XKR4: variants seen among roughly 807,000 people sequenced by gnomAD.
XKR4 encodes the protein XK-related protein 4.
Under a neutral mutation model 53.9 loss-of-function variants are expected in XKR4, and 12 were observed. The ratio of observed to expected loss-of-function variants is 0.22; its 90% CI spans 0.14 to 0.36. The LOEUF (loss-of-function observed/expected upper bound fraction) is 0.36. Among genes scored for constraint, XKR4 ranks in the 10% least tolerant of loss-of-function variants. XKR4 has a pLI of 1.00. For missense variants in XKR4, 799 were observed against 859.5 expected, an observed-to-expected ratio of 0.93 and a Z score of 0.88; for synonymous variants, 354 against 362.4, an observed-to-expected ratio of 0.98 and a Z score of 0.26.
intron 2 of XKR4, among the ~76,000 whole-genome samples, chr8:55,428,532 A>G (rs1805052597): frequency 6.6e-6 from 1 of 152,244 alleles, no homozygotes; most frequent in Non-Finnish European, 1.5e-5. Flanking sequence ...TGGTCAGGCT[A>G]TAACGAGTCA....
chr8:55,142,304 T>G (rs1816717182), intron 1 of XKR4: 1 of 409,076 alleles, frequency 2.4e-6, no homozygotes, highest in Middle Eastern at 3.6e-4. Flanking sequence ...TAGTACACAC[T>G]GGTCTCTTCA....
intron 2 of XKR4, among the ~76,000 whole-genome samples, chr8:55,479,502 G>C (rs942275419): frequency 6.6e-6 from 1 of 151,964 alleles, no homozygotes; most frequent in African/African-American, 2.4e-5. Context: ...AGAAAAGCAA[G>C]AGCAAACACA....
chr8:55,446,270 G>C (rs1186260999), intron 2 of XKR4, among the ~76,000 whole-genome samples: 1 of 152,154 alleles, frequency 6.6e-6, no homozygotes, highest in Non-Finnish European at 1.5e-5. Context: ...CATAACATGG[G>C]CTCAACCTCA....
chr8:55,427,332 C>T (rs1051449903), intron 2 of XKR4, among the ~76,000 whole-genome samples: 2 of 152,000 alleles, frequency 1.3e-5, no homozygotes, highest in Admixed American at 6.6e-5. Context: ...GTGAGTATGT[C>T]AAAGTTGATA....
chr8:55,391,007 A>G (rs1475824539), intron 2 of XKR4, among the ~76,000 whole-genome samples: 1 of 152,212 alleles, frequency 6.6e-6, no homozygotes, highest in Non-Finnish European at 1.5e-5. Flanking sequence ...CTTTTACAAC[A>G]TTCTCTGCTG....
rs149263316 is a variant in XKR4 at position 55,470,559 on chromosome 8, T to C, written c.1007-52722T>C. On this transcript the variant is annotated intron_variant, in intron 2 of 2. Transcript: ENST00000327381. ...GGGAGTCCATTAAACCTCTTTCTTC[T>C]TACGTTGCCAAGTCTCAGGTATGTC... 2.5e-3 allele frequency among the ~76,000 whole-genome samples: 383 copies of C among 152,250 alleles called. 2 individuals are homozygous for C. Among genetic ancestry groups the C allele is most frequent in the African/African-American group, 8.9e-3 (368 of 41,506 alleles).
chr8:55,151,697 A>G (rs1816842892), intron 1 of XKR4, among the ~76,000 whole-genome samples: 1 of 152,212 alleles, frequency 6.6e-6, no homozygotes, highest in African/African-American at 2.4e-5. Context: ...TCCCCTCACT[A>G]TCAATAATTT....
At chr8:55,521,403 CCT>C (rs1327527227) in intron 2 of XKR4, among the ~76,000 whole-genome samples, 1 of 152,122 alleles carries the variant, frequency 6.6e-6, no homozygotes, top group Non-Finnish European at 1.5e-5. Flanking sequence ...TCTCCTTCCC[CCT>C]CTTTCACTCC....
chr8:55,422,615 T>C (rs1016771062), intron 2 of XKR4, among the ~76,000 whole-genome samples: 4 of 152,176 alleles, frequency 2.6e-5, no homozygotes, highest in African/African-American at 9.7e-5. Context: ...CAAGAGCAGC[T>C]GAGAAAGGTA....
In XKR4 at chr8:55,161,972, G is replaced by T. The variant is rs903782667; in HGVS notation, c.806+58678G>T. Among the ~76,000 whole-genome samples, 3 of 152,246 alleles carry T rather than the reference G, an allele frequency of 2.0e-5. No individual in the cohort carries two copies. The East Asian group carries it at 5.8e-4, about 29-fold the overall frequency. On this transcript the variant is annotated intron_variant, in intron 1 of 2. Coordinates refer to ENST00000327381, the MANE Select transcript of XKR4 (RefSeq NM_052898.2). ...GCCTTTGATTTGCAGAAGAGCTGGT[G>T]GTGCCATATTATTTCAAGGCTTTAG... is the stretch of plus-strand genomic sequence containing the variant.
chr8:55,343,322 CT>C (rs1453130939), intron 1 of XKR4, among the ~76,000 whole-genome samples: 4 of 152,142 alleles, frequency 2.6e-5, no homozygotes, highest in African/African-American at 9.7e-5. Flanking sequence ...GCTTTTCGCC[CT>C]TTCCTGGACT....
At chr8:55,192,027 G>T (rs1294465896) in intron 1 of XKR4, among the ~76,000 whole-genome samples, 1 of 151,278 alleles carries the variant, frequency 6.6e-6, no homozygotes, top group Non-Finnish European at 1.5e-5. Flanking sequence ...TTACTTTTGT[G>T]GTTCTGCTGC....
At chr8:55,389,071 G>C (rs904337902) in intron 2 of XKR4, among the ~76,000 whole-genome samples, 1 of 152,164 alleles carries the variant, frequency 6.6e-6, no homozygotes, top group African/African-American at 2.4e-5. Context: ...ACATGAACAC[G>C]AACATGCACA....
chr8:55,142,002 C>T (rs1816711538), intron 1 of XKR4: 1 of 444,488 alleles, frequency 2.2e-6, no homozygotes, highest in African/African-American at 2.0e-5. Context: ...ATAAAGCCAT[C>T]TCTGGGCTGG....
rs1173172009 is a variant in XKR4 at position 55,399,929 on chromosome 8, C to T, written c.1006+42052C>T. ...TCGCTCACACCTTGGAAGGGAGAAT[C>T]AGGGAGCTTCAGTATCTCCAGGTTC... On this transcript the variant is annotated intron_variant, in intron 2 of 2. Transcript: ENST00000327381. Among the ~76,000 whole-genome samples, 3 of 152,222 alleles carry T rather than the reference C, an allele frequency of 2.0e-5. No homozygotes were observed. In the East Asian group the frequency reaches 5.8e-4, roughly 29 times the overall value.
chr8:55,348,209 C>T (rs551006234), intron 1 of XKR4, among the ~76,000 whole-genome samples: 6 of 152,242 alleles, frequency 3.9e-5, no homozygotes, highest in East Asian at 1.9e-4. Context: ...GGACCGAAGA[C>T]GTTAAATCAC....
At chr8:55,295,637 G>T (rs1819090738) in intron 1 of XKR4, among the ~76,000 whole-genome samples, 1 of 152,204 alleles carries the variant, frequency 6.6e-6, no homozygotes, top group South Asian at 2.1e-4. Context: ...ATTGAGATAA[G>T]AATAAGGCAC....
chr8:55,454,487 A>C, intron 2 of XKR4: 1 of 1,220,016 alleles, frequency 8.2e-7, no homozygotes, highest in Non-Finnish European at 1.2e-6. Context: ...GGTGGCACAG[A>C]CCAAAGACAG....
chr8:55,494,760 G>A (rs1806317906), intron 2 of XKR4, among the ~76,000 whole-genome samples: 1 of 152,136 alleles, frequency 6.6e-6, no homozygotes, highest in Non-Finnish European at 1.5e-5. Flanking sequence ...CTGAGTCTGG[G>A]GTTTTTATGG....
Sources: gnomAD v4.1 joint callset for allele counts (sites outside exome capture counted in the v4.1 genomes callset) on GRCh38, gnomAD v4.1.1 for gene constraint, MANE v1.5 for transcripts, NCBI Gene and HGNC (gene_info 2026-07-23, HGNC 2026-07-21) for gene names.